ADGRF3: variants seen among roughly 807,000 people sequenced by gnomAD.
ADGRF3 encodes the protein G protein-coupled receptor 113.
ADGRF3 carries 85 observed loss-of-function variants against 93.2 expected under a neutral mutation model. That is an observed-to-expected ratio of 0.91 (90% CI 0.77 to 1.09). ADGRF3 has a LOEUF of 1.09. Ranked by LOEUF, ADGRF3 falls within the 50% of genes least tolerant of loss-of-function variation. The probability of loss-of-function intolerance (pLI) is 0.00; values close to 1 mark genes in which losing one functional copy is unlikely to be tolerated. For missense variants in ADGRF3, 1,125 were observed against 1,246.2 expected (o/e 0.90, Z 1.46); for synonymous variants, 534 against 532.5 (o/e 1.00, Z -0.04).
At chr2:26,323,071 G>A (rs1393099566) in intron 1 of ADGRF3, among the ~76,000 whole-genome samples, 4 of 152,070 alleles carry the variant, frequency 2.6e-5, no homozygotes, top group East Asian at 3.9e-4. Context: ...CCCAGGAGGC[G>A]GAGGTTGCAG....
intron 1 of ADGRF3, among the ~76,000 whole-genome samples, chr2:26,333,831 A>G (rs924127507): frequency 6.7e-6 from 1 of 149,554 alleles, no homozygotes; most frequent in African/African-American, 2.5e-5. Flanking sequence ...TTTATTTACT[A>G]TTTTTTTTTT....
chr2:26,313,945 A>G (rs2147874524), intron 6 of ADGRF3, 42 bp from the exon 7 acceptor site: 1 of 1,611,094 alleles, frequency 6.2e-7, no homozygotes, highest in East Asian at 2.2e-5. Flanking sequence ...TGGGCCAGGG[A>G]CAGGCCTGGA....
At chr2:26,324,950 T>A (rs1675362928) in intron 1 of ADGRF3, among the ~76,000 whole-genome samples, 1 of 152,232 alleles carries the variant, frequency 6.6e-6, no homozygotes, top group African/African-American at 2.4e-5. Flanking sequence ...AGTGTGTAAG[T>A]GTTCCTTTTT....
intron 1 of ADGRF3, among the ~76,000 whole-genome samples, chr2:26,342,027 T>C (rs1201969230): frequency 6.6e-6 from 1 of 150,568 alleles, no homozygotes; most frequent in Non-Finnish European, 1.5e-5. Flanking sequence ...GAGCTGATAT[T>C]GCGCCACTGC....
intron 1 of ADGRF3, among the ~76,000 whole-genome samples, chr2:26,343,885 T>C (rs1676538701): frequency 2.0e-5 from 3 of 152,258 alleles, no homozygotes; most frequent in Admixed American, 2.0e-4. Flanking sequence ...TTATAATTGA[T>C]TCAAACTTGT....
chr2:26,316,500 TGG>T, intron 3 of ADGRF3, 52 bp from the exon 4 acceptor site: 1 of 1,524,650 alleles, frequency 6.6e-7, no homozygotes, highest in South Asian at 1.2e-5. Context: ...AGAAGCTAGG[TGG>T]GCAGGGCAGA....
At chr2:26,346,077 G>T (rs1172873704) in intron 1 of ADGRF3, 44 bp downstream of exon 1, 4 of 1,533,026 alleles carry the variant, frequency 2.6e-6, no homozygotes, top group African/African-American at 1.4e-5. Flanking sequence ...CGAAGGGGCC[G>T]AGGCGGCTAC....
At chr2:26,309,856 C>T in intron 12 of ADGRF3, 187 bp downstream of exon 12, 9 of 1,381,250 alleles carry the variant, frequency 6.5e-6, no homozygotes, top group Non-Finnish European at 8.9e-6. Context: ...GACCCTGATC[C>T]TGACTGCTCT....
rs184845260 is a variant in ADGRF3, at chr2:26,310,847, G to A, written c.2677C>T (p.Pro893Ser). The A allele has an allele frequency of 1.7e-5, 28 of 1,613,204 alleles. No individual in the cohort carries two copies. The Admixed American group carries it at 3.3e-4, about 19-fold the overall frequency. Residue 893 changes from proline (P) to serine (S), a missense_variant, in exon 10 of 14, where the codon CCA becomes TCA. By Grantham distance (74) the Pro-to-Ser change is moderately conservative. Transcript: ENST00000651242. ...AGCAGAGCTTGGCGCTTCTCTGCTG[G>A]GGGTCCCTCTGACAGCGAAGGTCTC... is the stretch of plus-strand genomic sequence containing the variant. Reference protein sequence around the residue: ...LLRPSLSEGPPAEKRQALLGV... With the variant: ...LLRPSLSEGPSAEKRQALLGV...
In ADGRF3 at chr2:26,310,223, T is replaced by C. The variant is rs376922724; in HGVS notation, c.2847A>G (p.Leu949=). 8 of 1,613,798 alleles carry C rather than the reference T, an allele frequency of 5.0e-6. No homozygotes were observed. The African/African-American group carries it at 9.3e-5, about 19-fold the overall frequency. The part of the protein sequence containing the change: ...ILNTLQGVFI[L]LFGCLMDRKI... ...TCCTGTCCATGAGGCAACCAAACAA[T>C]AGGATGAAGACGCCCTGAGAAGAGG... Residue 949 remains leucine (L), a synonymous_variant, in exon 11 of 14, where the codon CTA becomes CTG. Transcript: ENST00000651242.
rs757170254 is a variant in ADGRF3 at position 26,310,094 on chromosome 2, A to G, written c.2886T>C (p.Ala962=). 8 of 1,613,880 alleles carry G rather than the reference A, an allele frequency of 5.0e-6. No individual in the cohort carries two copies. The South Asian group carries it at 8.8e-5, about 18-fold the overall frequency. The change falls in exon 12 of 14, where the codon GCT becomes GCC. Residue 962 remains alanine, a synonymous_variant. Transcript: ENST00000651242. ...GCLMDRKIQE[A]LRKRFCRAQA... ...GGGCGCGGCAGAAGCGTTTGCGCAA[A>G]GCTTCTTGTATCTGCGGGAGAGGTA...
rs1382189921 is a variant in ADGRF3 at position 26,314,394 on chromosome 2, C to A, written c.928+20G>T. ...GCCCCCTGGTCCCTCTGACCCCTGACTGCTGGCCCCTTCTCATACCTTTGC... is the reference window on the plus strand; with the variant it reads ...GCCCCCTGGTCCCTCTGACCCCTGAATGCTGGCCCCTTCTCATACCTTTGC... On this transcript the variant is annotated intron_variant, in intron 6 of 13. Transcript: ENST00000651242. The A allele has an allele frequency of 1.9e-6, 3 of 1,603,098 alleles. No individual in the cohort carries two copies. The highest frequency in any genetic ancestry group is 2.7e-5 in the African/African-American group (2 of 74,788).
At chr2:26,319,565 CCCTTCCTTCCTTCCTTCCTTCCTT>C (rs1221160490) in intron 1 of ADGRF3, among the ~76,000 whole-genome samples, 4 of 48,136 alleles carry the variant, frequency 8.3e-5, no homozygotes, top group African/African-American at 3.1e-4. Context: ...CTCCCTCCCT[CCCTTCCTTCCTTCCTTCCTTCCTT>C]CCTTCCTTCC....
At position 26,334,322 on chromosome 2, in the gene ADGRF3, A is replaced by G. The variant is rs558086383; in HGVS notation, c.114+11799T>C. 9.3e-5 allele frequency among the ~76,000 whole-genome samples: 14 copies of G among 151,320 alleles called. No individual in the cohort carries two copies. In the South Asian group the frequency reaches 2.5e-3, roughly 27 times the overall value. On this transcript the variant is annotated intron_variant, in intron 1 of 13. Transcript: ENST00000651242. Reference sequence around the variant, plus strand: ...AAAAAAAAAGTAAATTTAAAAAACCACCCACAATGCTTTAATCCTAATTTT... The same window carrying G: ...AAAAAAAAAGTAAATTTAAAAAACCGCCCACAATGCTTTAATCCTAATTTT...
At chr2:26,313,200 A>T in intron 8 of ADGRF3, 78 bp from the exon 9 acceptor site, 2 of 1,550,772 alleles carry the variant, frequency 1.3e-6, no homozygotes, top group Non-Finnish European at 1.8e-6. Flanking sequence ...ACCCATGGAG[A>T]TTGTTGACCC....
At chr2:26,309,338 C>G (rs892964528) in intron 13 of ADGRF3, 188 bp downstream of exon 13, 10 of 1,481,910 alleles carry the variant, frequency 6.7e-6, no homozygotes, top group Non-Finnish European at 8.9e-6. Flanking sequence ...GCTTTCTGCT[C>G]TCTGACATTT....
chr2:26,330,285 C>T (rs1675688942), intron 1 of ADGRF3, among the ~76,000 whole-genome samples: 1 of 152,160 alleles, frequency 6.6e-6, no homozygotes, highest in Non-Finnish European at 1.5e-5. Flanking sequence ...AGAGTCAGAT[C>T]CACGCCTGTA....
chr2:26,314,773 T>C, intron 5 of ADGRF3, 150 bp from the exon 6 acceptor site: 1 of 650,830 alleles, frequency 1.5e-6, no homozygotes, highest in Non-Finnish European at 2.7e-6. Context: ...GGATGGCCCC[T>C]TTGGTGGACA....
intron 9 of ADGRF3, among the ~76,000 whole-genome samples, chr2:26,312,474 G>C (rs10865401): frequency 3.3e-5 from 5 of 152,052 alleles, no homozygotes; most frequent in African/African-American, 1.2e-4. Context: ...ACGGCCACAC[G>C]CATGTCTGTG....
Sources: gnomAD v4.1 joint callset for allele counts (sites outside exome capture counted in the v4.1 genomes callset) on GRCh38, gnomAD v4.1.1 for gene constraint, MANE v1.5 for transcripts, NCBI Gene and HGNC (gene_info 2026-07-23, HGNC 2026-07-21) for gene names.